The following PJA2 variants were observed in gnomAD, a reference collection of about 807,000 sequenced individuals.
PJA2 encodes E3 ubiquitin-protein ligase Praja-2.
In PJA2, 25 loss-of-function variants were observed where a neutral mutation model predicts 69.3. The observed-to-expected ratio is 0.36, with a 90% CI of 0.26 to 0.50. The LOEUF (loss-of-function observed/expected upper bound fraction) is 0.50, where lower values mean the gene tolerates loss of function less well. PJA2 is among the 20% of genes least tolerant of loss of function. The pLI is 0.96. For missense variants in PJA2, 809 were observed against 830.2 expected, an observed-to-expected ratio of 0.97 and a Z score of 0.31; for synonymous variants, 308 against 277.8, an observed-to-expected ratio of 1.11 and a Z score of -1.08.
intron 1 of PJA2, among the ~76,000 whole-genome samples, chr5:109,389,979 C>T (rs1225954512): frequency 1.3e-5 from 2 of 149,930 alleles, no homozygotes; most frequent in Non-Finnish European, 3.0e-5. Context: ...GATTTAAATT[C>T]TTTGAAGATT....
chr5:109,367,811 C>G (rs1249273075), intron 5 of PJA2, among the ~76,000 whole-genome samples: 1 of 152,202 alleles, frequency 6.6e-6, no homozygotes, highest in Non-Finnish European at 1.5e-5. Context: ...TAGAACAATT[C>G]TTCATGATCA....
chr5:109,354,381 T>C (rs1762363773), intron 7 of PJA2, among the ~76,000 whole-genome samples: 1 of 137,448 alleles, frequency 7.3e-6, no homozygotes, highest in African/African-American at 3.0e-5. Flanking sequence ...ATCTATAGAT[T>C]AGATATCTCT....
At chr5:109,337,598 T>C (rs1761970733) in intron 9 of PJA2, among the ~76,000 whole-genome samples, 1 of 152,196 alleles carries the variant, frequency 6.6e-6, no homozygotes, top group Non-Finnish European at 1.5e-5. Flanking sequence ...TTTAAGGTCA[T>C]TCATCCTCCT....
intron 1 of PJA2, among the ~76,000 whole-genome samples, chr5:109,385,948 A>G (rs1288881726): frequency 6.6e-6 from 1 of 152,152 alleles, no homozygotes; most frequent in Non-Finnish European, 1.5e-5. Flanking sequence ...AATTGTGTGC[A>G]TGAAATAAAG....
At chr5:109,348,530 G>A (rs1420867431) in intron 7 of PJA2, among the ~76,000 whole-genome samples, 1 of 152,138 alleles carries the variant, frequency 6.6e-6, no homozygotes, top group South Asian at 2.1e-4. Context: ...AAGTCACTCT[G>A]AGCCTCCTGT....
At chr5:109,366,067 G>C (rs1428618420) in intron 5 of PJA2, among the ~76,000 whole-genome samples, 7 of 151,458 alleles carry the variant, frequency 4.6e-5, no homozygotes, top group African/African-American at 1.5e-4. Flanking sequence ...ACTTTTTTTG[G>C]GCTAGATTTA....
At chr5:109,397,889 G>C (rs1191995571) in intron 1 of PJA2, among the ~76,000 whole-genome samples, 1 of 151,930 alleles carries the variant, frequency 6.6e-6, no homozygotes, top group Non-Finnish European at 1.5e-5. Context: ...TAGGGTATGA[G>C]TAAAAGAATC....
intron 1 of PJA2, among the ~76,000 whole-genome samples, chr5:109,385,714 C>G (rs1747141756): frequency 1.3e-5 from 2 of 152,040 alleles, no homozygotes; most frequent in Admixed American, 1.3e-4. Context: ...CTGAGAAAAT[C>G]AAATATGAAG....
At chr5:109,350,822 G>GT (rs1197813261) in intron 7 of PJA2, among the ~76,000 whole-genome samples, 1 of 152,098 alleles carries the variant, frequency 6.6e-6, no homozygotes, top group Non-Finnish European at 1.5e-5. Context: ...AGGTGCTATT[G>GT]TGAGTATGTA....
chr5:109,400,909 G>T (rs1479550530), intron 1 of PJA2, among the ~76,000 whole-genome samples: 1 of 152,150 alleles, frequency 6.6e-6, no homozygotes, highest in East Asian at 1.9e-4. Context: ...CATGAACCTG[G>T]GAGGCAGAGC....
At chr5:109,339,191 C>T (rs185827067) in intron 9 of PJA2, among the ~76,000 whole-genome samples, 1 of 152,256 alleles carries the variant, frequency 6.6e-6, no homozygotes, top group Admixed American at 6.5e-5. Context: ...ACTGGAGGTC[C>T]CTCTCTTTCT....
At chr5:109,338,236 C>G (rs1761980389) in intron 9 of PJA2, among the ~76,000 whole-genome samples, 1 of 152,212 alleles carries the variant, frequency 6.6e-6, no homozygotes, top group Non-Finnish European at 1.5e-5. Context: ...AGGCTTCACA[C>G]TAAGGTATTT....
In PJA2 at chr5:109,337,319, G is replaced by A. The variant is rs1289297343; in HGVS notation, c.2039C>T (p.Pro680Leu). 1 of 1,613,108 alleles carries A rather than the reference G, an allele frequency of 6.2e-7. No homozygotes were observed. The highest frequency in any genetic ancestry group is 1.1e-5 in the South Asian group (1 of 90,944). ...TCPVCRRHFP[P>L]AVIEASAAPS... The stretch of plus-strand genomic sequence containing the variant: ...AGCTGCAGATGCTTCAATAACCGCA[G>A]GTGGGAAATGACGGCGGCACACAGG... Residue 680 changes from proline to leucine, a missense_variant, in exon 10 of 10, where the codon CCT becomes CTT. Coordinates refer to ENST00000361189, the MANE Select transcript of PJA2 (RefSeq NM_014819.5).
intron 7 of PJA2, among the ~76,000 whole-genome samples, chr5:109,352,315 C>G (rs755297270): frequency 6.6e-6 from 1 of 152,154 alleles, no homozygotes; most frequent in Admixed American, 6.6e-5. Flanking sequence ...ATTTTATTCT[C>G]AACACTTCTT....
chr5:109,355,850 C>G (rs1463676586), intron 7 of PJA2, 65 bp downstream of exon 7: 1 of 1,124,568 alleles, frequency 8.9e-7, no homozygotes, highest in Middle Eastern at 2.1e-4. Context: ...TCTAAAAATC[C>G]CTTTAAACCT....
chr5:109,356,628 T>C (rs184469541), intron 6 of PJA2, among the ~76,000 whole-genome samples: 379 of 152,330 alleles, frequency 2.5e-3, no homozygotes, highest in African/African-American at 8.8e-3. Context: ...AATCCGCATG[T>C]AGGTGAGAAT....
At chr5:109,383,607 T>C (rs1033334449) in intron 1 of PJA2, 87 bp from the exon 2 acceptor site, 23 of 504,918 alleles carry the variant, frequency 4.6e-5, no homozygotes, top group Non-Finnish European at 7.0e-5. Flanking sequence ...AGTGAAGTCT[T>C]ATAATAAAAC....
intron 4 of PJA2, 72 bp from the exon 5 acceptor site, chr5:109,368,818 T>A: frequency 6.9e-7 from 1 of 1,444,462 alleles, no homozygotes; most frequent in South Asian, 1.4e-5. Context: ...GTTAACTAGA[T>A]GATATGGTTT....
At chr5:109,365,470 T>C (rs1762570208) in intron 5 of PJA2, among the ~76,000 whole-genome samples, 2 of 150,258 alleles carry the variant, frequency 1.3e-5, no homozygotes, top group Admixed American at 6.6e-5. Context: ...TACACATATA[T>C]GCTTTTATGT....
Sources: allele counts gnomAD v4.1 joint callset (sites outside exome capture counted in the v4.1 genomes callset), GRCh38; gene constraint gnomAD v4.1.1; transcripts MANE v1.5; gene names NCBI Gene and HGNC (gene_info 2026-07-23, HGNC 2026-07-21).